Variants in PRKN observed in about 807,000 individuals in gnomAD.
The protein encoded by PRKN is E3 ubiquitin-protein ligase parkin.
A neutral mutation model predicts 59.5 loss-of-function variants in PRKN; 56 were observed. The ratio of observed to expected loss-of-function variants is 0.94; its 90% CI spans 0.76 to 1.18. The LOEUF (loss-of-function observed/expected upper bound fraction) is 1.18, where lower values mean the gene tolerates loss of function less well. Ranked by LOEUF, PRKN falls within the 50% of genes most tolerant of loss-of-function variation. The pLI is 0.00. For synonymous variants in PRKN, 250 were observed against 222.1 expected (o/e 1.13, Z -1.12); for missense variants, 657 against 596.4 (o/e 1.10, Z -1.06).
In PRKN at chr6:161,503,725, T is replaced by C. The variant is rs1411450146; in HGVS notation, c.1083+45129A>G. 6.6e-6 allele frequency among the ~76,000 whole-genome samples: 1 copy of C among 152,160 alleles called. No homozygotes were observed. Among genetic ancestry groups the C allele is most frequent in the Non-Finnish European group, 1.5e-5 (1 of 68,020 alleles). ...GCAGTCCGGCCTGCAGTTGCTGTTT[T>C]AAAAAAGAGGTTGTAAACATCACTC... On this transcript the variant is annotated intron_variant, in intron 9 of 11. Coordinates refer to ENST00000366898, the MANE Select transcript of PRKN (RefSeq NM_004562.3). This position sits in a 1 kb window ranked among gnomAD's most constrained non-coding sequence, Gnocchi z 5.1.
chr6:161,515,076 G>A (rs1050147537), intron 9 of PRKN, among the ~76,000 whole-genome samples: 4 of 152,134 alleles, frequency 2.6e-5, no homozygotes, highest in Non-Finnish European at 5.9e-5. Flanking sequence ...TGAGGCCAAC[G>A]TGCAGTGTCT....
At chr6:161,703,261 T>C (rs537908876) in intron 7 of PRKN, among the ~76,000 whole-genome samples, 24 of 152,152 alleles carry the variant, frequency 1.6e-4, no homozygotes, top group African/African-American at 5.8e-4. Context: ...CCATGATCAC[T>C]CCAGCCAGGG....
intron 1 of PRKN, among the ~76,000 whole-genome samples, chr6:162,714,538 C>A (rs1778653628): frequency 6.6e-6 from 1 of 152,170 alleles, no homozygotes; most frequent in African/African-American, 2.4e-5. Flanking sequence ...CTGACTTTGG[C>A]CTGCCATGTT....
At position 161,379,591 on chromosome 6, in the gene PRKN, C is replaced by G. The variant is rs185250640; in HGVS notation, c.1167+7203G>C. 6.6e-6 allele frequency among the ~76,000 whole-genome samples: 1 copy of G among 152,274 alleles called. No individual in the cohort carries two copies. Among genetic ancestry groups the G allele is most frequent in the African/African-American group, 2.4e-5 (1 of 41,556 alleles). ...CTGCCAAGTCTCTACCCGGGAAGTGCCCCCAGCTGAAGAAAGCTGCTTCAC... is the reference window on the plus strand; with the variant it reads ...CTGCCAAGTCTCTACCCGGGAAGTGGCCCCAGCTGAAGAAAGCTGCTTCAC... On this transcript the variant is annotated intron_variant, in intron 10 of 11. Coordinates refer to ENST00000366898, the MANE Select transcript of PRKN (RefSeq NM_004562.3). The surrounding 1 kb of genome is among the most constrained non-coding windows in gnomAD (Gnocchi z 4.9).
chr6:162,476,457 T>C (rs2128180480), intron 1 of PRKN, among the ~76,000 whole-genome samples: 1 of 152,328 alleles, frequency 6.6e-6, no homozygotes, highest in East Asian at 1.9e-4. Flanking sequence ...ACAGTCATGC[T>C]GCAGACTCAT....
At chr6:161,746,801 C>T (rs1398291968) in intron 7 of PRKN, among the ~76,000 whole-genome samples, 1 of 140,758 alleles carries the variant, frequency 7.1e-6, no homozygotes, top group Non-Finnish European at 1.5e-5. Context: ...TAGATATGCA[C>T]AGACATATAT....
chr6:162,029,793 A>G (rs1783570970), intron 5 of PRKN, among the ~76,000 whole-genome samples: 1 of 152,218 alleles, frequency 6.6e-6, no homozygotes, highest in South Asian at 2.1e-4. Flanking sequence ...ACCATAATAT[A>G]AAAACACATT....
At chr6:161,765,666 T>C (rs1030870859) in intron 7 of PRKN, among the ~76,000 whole-genome samples, 2 of 152,194 alleles carry the variant, frequency 1.3e-5, no homozygotes, top group Non-Finnish European at 2.9e-5. Flanking sequence ...TAAAGTGTGA[T>C]GATGGTGGTG....
intron 2 of PRKN, among the ~76,000 whole-genome samples, chr6:162,363,697 G>C (rs1389031157): frequency 1.3e-5 from 2 of 152,068 alleles, no homozygotes; most frequent in African/African-American, 4.8e-5. Context: ...GCATGACTAC[G>C]TTAACAGGAT....
chr6:162,113,974 C>A (rs1467467787), intron 4 of PRKN, among the ~76,000 whole-genome samples: 5 of 151,194 alleles, frequency 3.3e-5, no homozygotes, highest in South Asian at 2.1e-4. Flanking sequence ...AATAGGGAAT[C>A]CTTTCCCCAT....
chr6:162,688,998 C>CTAT (rs1777668411), intron 1 of PRKN, among the ~76,000 whole-genome samples: 1 of 152,138 alleles, frequency 6.6e-6, no homozygotes, highest in Non-Finnish European at 1.5e-5. Context: ...ACACTGTTCC[C>CTAT]TATTATCCTT....
chr6:162,461,740 C>G (rs138446393), intron 1 of PRKN, among the ~76,000 whole-genome samples: 15 of 150,898 alleles, frequency 9.9e-5, no homozygotes, highest in African/African-American at 2.4e-4. Context: ...GCAGGAGAAT[C>G]GCTTGAACTT....
chr6:161,772,403 G>A (rs752493090), intron 7 of PRKN, among the ~76,000 whole-genome samples: 22 of 152,122 alleles, frequency 1.4e-4, no homozygotes, highest in East Asian at 1.9e-4. Flanking sequence ...GCATATTGCC[G>A]AGCGGCTCTC....
chr6:162,623,284 A>T (rs557673339), intron 1 of PRKN, among the ~76,000 whole-genome samples: 2 of 125,088 alleles, frequency 1.6e-5, no homozygotes, highest in African/African-American at 6.7e-5. Flanking sequence ...ATCTTATTTT[A>T]AAAATTGGCT....
At chr6:161,775,568 A>C (rs1025922626) in intron 7 of PRKN, among the ~76,000 whole-genome samples, 1 of 152,174 alleles carries the variant, frequency 6.6e-6, no homozygotes, top group Non-Finnish European at 1.5e-5. Context: ...GCAACTAATT[A>C]TGTTGAATTT....
intron 6 of PRKN, among the ~76,000 whole-genome samples, chr6:161,881,070 G>C (rs375177610): frequency 6.6e-6 from 1 of 152,080 alleles, no homozygotes; most frequent in African/African-American, 2.4e-5. Context: ...ACCTACAAAG[G>C]GTAGAAAGGA....
At chr6:162,346,100 T>C (rs1302852366) in intron 2 of PRKN, among the ~76,000 whole-genome samples, 1 of 152,290 alleles carries the variant, frequency 6.6e-6, no homozygotes, top group South Asian at 2.1e-4. Flanking sequence ...TTCAGAACTA[T>C]GAGCCAAATG....
intron 3 of PRKN, among the ~76,000 whole-genome samples, chr6:162,228,923 C>T (rs564135077): frequency 2.0e-5 from 3 of 152,268 alleles, no homozygotes; most frequent in Admixed American, 6.5e-5. Flanking sequence ...ACATGCACCA[C>T]CAGTAGCTGC....
chr6:162,344,892 G>A (rs1368201613), intron 2 of PRKN, among the ~76,000 whole-genome samples: 1 of 152,182 alleles, frequency 6.6e-6, no homozygotes, highest in Non-Finnish European at 1.5e-5. Flanking sequence ...AGGCAGAAGA[G>A]GTAAGGATTT....
Sources: allele counts gnomAD v4.1 joint callset (sites outside exome capture counted in the v4.1 genomes callset), GRCh38; gene constraint gnomAD v4.1.1; non-coding constraint Gnocchi (gnomAD v3.1); transcripts MANE v1.5; gene names NCBI Gene and HGNC (gene_info 2026-07-23, HGNC 2026-07-21).